Variants in ACAD11 observed in about 807,000 individuals in gnomAD.
ACAD11 encodes acyl-Coenzyme A dehydrogenase family, member 11.
In ACAD11, 83 loss-of-function variants were observed where a neutral mutation model predicts 102.2. The observed-to-expected ratio is 0.81, with a 90% CI of 0.68 to 0.97. The LOEUF (loss-of-function observed/expected upper bound fraction) is 0.97. Ranked by LOEUF, ACAD11 falls within the 50% of genes least tolerant of loss-of-function variation. The pLI is 0.00. For synonymous variants in ACAD11, 324 were observed against 319.8 expected (o/e 1.01, Z -0.14); for missense variants, 901 against 951.7 (o/e 0.95, Z 0.70).
chr3:132,651,277 A>G (rs1198925127), intron 1 of ACAD11, among the ~76,000 whole-genome samples: 1 of 152,040 alleles, frequency 6.6e-6, no homozygotes, highest in African/African-American at 2.4e-5. Context: ...TCACCTACTA[A>G]CTCTCAGATC....
intron 7 of ACAD11, 22 bp from the exon 8 acceptor site, chr3:132,628,468 T>C (rs989700874): frequency 5.3e-6 from 8 of 1,495,666 alleles, no homozygotes; most frequent in East Asian, 2.3e-5. Flanking sequence ...CATAGAACAA[T>C]TAAAATTCAT....
At chr3:132,642,576 A>G in intron 3 of ACAD11, 101 bp downstream of exon 3, 1 of 1,280,928 alleles carries the variant, frequency 7.8e-7, no homozygotes, top group East Asian at 2.6e-5. Flanking sequence ...TAAAATGTTA[A>G]ATAACAAACT....
At chr3:132,655,482 A>C (rs1431766024) in intron 1 of ACAD11, among the ~76,000 whole-genome samples, 1 of 152,118 alleles carries the variant, frequency 6.6e-6, no homozygotes, top group Non-Finnish European at 1.5e-5. Context: ...GTGTTTCCTC[A>C]ACACACTGGG....
chr3:132,603,424 T>G, intron 12 of ACAD11, 97 bp from the exon 13 acceptor site: 1 of 1,040,260 alleles, frequency 9.6e-7, no homozygotes, highest in Non-Finnish European at 1.4e-6. Flanking sequence ...CATCTTTATC[T>G]TTTTCAATGT....
intron 5 of ACAD11, among the ~76,000 whole-genome samples, chr3:132,635,535 C>T (rs1377508549): frequency 6.6e-6 from 1 of 152,154 alleles, no homozygotes; most frequent in Non-Finnish European, 1.5e-5. Flanking sequence ...CAGACCCTAG[C>T]TCTACCATTT....
intron 5 of ACAD11, among the ~76,000 whole-genome samples, chr3:132,638,938 A>G (rs1402099574): frequency 6.6e-6 from 1 of 152,206 alleles, no homozygotes; most frequent in East Asian, 1.9e-4. Context: ...GCCTCATTGT[A>G]GGTGCTCAGT....
chr3:132,599,492 T>A (rs1322256728), intron 13 of ACAD11, among the ~76,000 whole-genome samples: 3 of 151,098 alleles, frequency 2.0e-5, no homozygotes, highest in Non-Finnish European at 4.4e-5. Flanking sequence ...GGCAACAGAA[T>A]GAGACTCCAT....
At chr3:132,612,132 C>G (rs1195766032) in intron 11 of ACAD11, among the ~76,000 whole-genome samples, 1 of 151,944 alleles carries the variant, frequency 6.6e-6, no homozygotes, top group Non-Finnish European at 1.5e-5. Flanking sequence ...GGAAAGGATT[C>G]CCTATTTAAT....
At chr3:132,627,918 G>T (rs1003429494) in intron 8 of ACAD11, among the ~76,000 whole-genome samples, 2 of 152,188 alleles carry the variant, frequency 1.3e-5, no homozygotes, top group Non-Finnish European at 2.9e-5. Context: ...CTCTGCTGAT[G>T]AAGACATGGG....
chr3:132,608,305 C>T (rs1330872528), intron 11 of ACAD11, among the ~76,000 whole-genome samples: 1 of 152,084 alleles, frequency 6.6e-6, no homozygotes, highest in Non-Finnish European at 1.5e-5. Flanking sequence ...GGGTTAAATG[C>T]CCCAATTTAA....
intron 10 of ACAD11, chr3:132,619,036 T>C (rs1939513474): frequency 2.8e-6 from 1 of 356,354 alleles, no homozygotes; most frequent in Non-Finnish European, 4.9e-6. Context: ...TGAGAACTTC[T>C]TCTGGAATCA....
At chr3:132,586,873 A>G (rs571773881) in intron 13 of ACAD11, among the ~76,000 whole-genome samples, 26 of 152,324 alleles carry the variant, frequency 1.7e-4, no homozygotes, top group African/African-American at 6.3e-4. Flanking sequence ...TGGGCGGATC[A>G]CCTGAGGCCA....
At chr3:132,607,920 T>C (rs7652793) in intron 11 of ACAD11, among the ~76,000 whole-genome samples, 56,771 of 152,046 alleles carry the variant, frequency 0.37, 13,273 homozygotes, top group East Asian at 0.71. Context: ...AACAGTAGAT[T>C]TCTCTGCAGA....
intron 17 of ACAD11, among the ~76,000 whole-genome samples, chr3:132,563,045 A>G (rs1937108396): frequency 6.6e-6 from 1 of 152,226 alleles, no homozygotes; most frequent in Admixed American, 6.5e-5. Flanking sequence ...TTGCCTATCT[A>G]TGTCCAATTG....
In ACAD11 at chr3:132,630,647, C is replaced by T. The variant is rs1031420374; in HGVS notation, c.842-89G>A. ...ATGAGACTGAGACGCATATGTAAAA[C>T]GGAATGTAATAACCATTAGCCCTTA... On this transcript the variant is annotated intron_variant, in intron 6 of 19. Coordinates refer to ENST00000264990, the MANE Select transcript of ACAD11 (RefSeq NM_032169.5). 5.5e-5 allele frequency: 65 copies of T among 1,180,544 alleles called. No homozygotes were observed. The Admixed American group carries it at 1.5e-3, about 27-fold the overall frequency. 73.1% of individuals were successfully genotyped at this position (1,180,544 alleles called of 1,614,324 possible). A position where few individuals can be genotyped will look rare whatever the true frequency, so the allele number is the denominator to read the frequency against.
chr3:132,609,028 C>T (rs536441981), intron 11 of ACAD11, among the ~76,000 whole-genome samples: 1 of 152,264 alleles, frequency 6.6e-6, no homozygotes, highest in South Asian at 2.1e-4. Flanking sequence ...GAACAACCTG[C>T]TCCTGAATGA....
intron 4 of ACAD11, among the ~76,000 whole-genome samples, chr3:132,641,683 A>G (rs1269456979): frequency 2.0e-4 from 26 of 131,128 alleles, no homozygotes; most frequent in South Asian, 5.0e-4. Context: ...AGGAAGAGGA[A>G]GAGGAAGAGG....
chr3:132,605,070 C>T (rs1387584813), intron 12 of ACAD11, 28 bp downstream of exon 12: 2 of 1,539,294 alleles, frequency 1.3e-6, no homozygotes, highest in Non-Finnish European at 1.8e-6. Context: ...ACTGACTACA[C>T]AAGGAGAGAA....
chr3:132,603,404 A>C, intron 12 of ACAD11, 77 bp from the exon 13 acceptor site: 1 of 1,295,030 alleles, frequency 7.7e-7, no homozygotes, highest in South Asian at 1.2e-5. Flanking sequence ...GAAAACTTTA[A>C]AAACAAAGAC....
Sources: gnomAD v4.1 joint callset for allele counts (sites outside exome capture counted in the v4.1 genomes callset) on GRCh38, gnomAD v4.1.1 for gene constraint, MANE v1.5 for transcripts, NCBI Gene and HGNC (gene_info 2026-07-23, HGNC 2026-07-21) for gene names.